Variants in ROCK2 observed in about 807,000 individuals in gnomAD.
The protein encoded by ROCK2 is Rho associated coiled-coil containing protein kinase 2.
Under a neutral mutation model 195.1 loss-of-function variants are expected in ROCK2, and 61 were observed. The ratio of observed to expected loss-of-function variants is 0.31; its 90% CI spans 0.25 to 0.39. ROCK2 has a LOEUF of 0.39. Among genes scored for constraint, ROCK2 ranks in the 10% least tolerant of loss-of-function variants. ROCK2 has a pLI of 1.00. For missense variants in ROCK2, 1,109 were observed against 1,637.4 expected (o/e 0.68, Z 5.57); for synonymous variants, 504 against 545.5 (o/e 0.92, Z 1.06).
Position 11,194,324 on chromosome 2 carries a change from C to T in ROCK2, c.3540G>A (p.Lys1180=), listed in dbSNP as rs368885239. The T allele has an allele frequency of 5.5e-6, 8 of 1,448,384 alleles. No homozygotes were observed. The African/African-American group carries it at 1.1e-4, about 20-fold the overall frequency. 89.7% of individuals were successfully genotyped at this position (1,448,384 alleles called of 1,614,324 possible). Reference sequence around the variant, plus strand: ...GTTCACTGTCATAGAAAAGAATCTTCTTACTGCTTACAATCACATACTGTT... The same window carrying T: ...GTTCACTGTCATAGAAAAGAATCTTTTTACTGCTTACAATCACATACTGTT... ...WVKKYVIVSS[K]KILFYDSEQD... is the part of the protein sequence containing the mutation. Residue 1180 remains lysine, a synonymous_variant, in exon 29 of 33, where the codon AAG becomes AAA. Transcript: ENST00000315872.
intron 1 of ROCK2, among the ~76,000 whole-genome samples, chr2:11,316,998 G>A (rs1279150513): frequency 3.3e-5 from 5 of 152,090 alleles, no homozygotes; most frequent in Non-Finnish European, 4.4e-5. Context: ...GCACAGTTAA[G>A]AAGCTTAATA....
In ROCK2 at chr2:11,183,394, G is replaced by T; in HGVS notation, c.*43C>A. The T allele has an allele frequency of 6.4e-7, 1 of 1,559,482 alleles. No homozygotes were observed. The highest frequency in any genetic ancestry group is 8.7e-7 in the Non-Finnish European group (1 of 1,148,378). On this transcript the variant is annotated 3_prime_UTR_variant, in exon 33 of 33. Coordinates refer to ENST00000315872, the MANE Select transcript of ROCK2 (RefSeq NM_004850.5). ...TATTTCAGTCTTGTTTTCACTGGAA[G>T]AATACGATCACCTTGAATAATGACT...
In ROCK2 at chr2:11,302,660, C is replaced by G. The variant is rs149052911; in HGVS notation, c.142-14924G>C. On this transcript the variant is annotated intron_variant, in intron 1 of 32. Coordinates refer to ENST00000315872, the MANE Select transcript of ROCK2 (RefSeq NM_004850.5). ...GCACCTGAAATGTGGTTAGCTTGAA[C>G]TGAGATGCTCTGGTAAATGTAAAAT... Among the ~76,000 whole-genome samples, 738 of 152,222 alleles carry G rather than the reference C, an allele frequency of 4.8e-3. 5 individuals are homozygous for G. Among genetic ancestry groups the G allele is most frequent in the Admixed American group, 8.0e-3 (122 of 15,296 alleles).
At chr2:11,242,904 G>C (rs1185095600) in intron 4 of ROCK2, among the ~76,000 whole-genome samples, 1 of 152,066 alleles carries the variant, frequency 6.6e-6, no homozygotes, top group Non-Finnish European at 1.5e-5. Flanking sequence ...CTGTCCTCAG[G>C]GAGCCAGCTG....
intron 1 of ROCK2, among the ~76,000 whole-genome samples, chr2:11,326,779 G>A (rs1273150007): frequency 1.3e-5 from 2 of 152,160 alleles, no homozygotes; most frequent in Non-Finnish European, 2.9e-5. Flanking sequence ...GAGGCAGCAT[G>A]AGGAAACATC....
At position 11,214,828 on chromosome 2, in the gene ROCK2, C is replaced by T. The variant is rs370199898; in HGVS notation, c.1936+12G>A. ...ATCAAAATTAATTCAAGTGCAACCACGACTTCAATACCTTGTAAATCATTA... is the reference window on the plus strand; with the variant it reads ...ATCAAAATTAATTCAAGTGCAACCATGACTTCAATACCTTGTAAATCATTA... On this transcript the variant is annotated intron_variant, in intron 16 of 32. Transcript: ENST00000315872. 5.0e-4 allele frequency: 799 copies of T among 1,585,338 alleles called. 10 individuals are homozygous for T. Among genetic ancestry groups the T allele is most frequent in the South Asian group, 4.9e-3 (433 of 87,754 alleles).
intron 4 of ROCK2, among the ~76,000 whole-genome samples, chr2:11,247,265 A>G (rs1258388196): frequency 6.6e-6 from 1 of 152,184 alleles, no homozygotes; most frequent in Non-Finnish European, 1.5e-5. Context: ...GGTGAGAAAA[A>G]TGTCCTAAAA....
chr2:11,287,009 G>A (rs1667217333), intron 2 of ROCK2, among the ~76,000 whole-genome samples: 1 of 152,160 alleles, frequency 6.6e-6, no homozygotes. Context: ...GCTAATCTTA[G>A]TAATGAATTT....
chr2:11,193,227 T>A (rs1382354053), intron 30 of ROCK2, among the ~76,000 whole-genome samples: 1 of 152,068 alleles, frequency 6.6e-6, no homozygotes, highest in Non-Finnish European at 1.5e-5. Flanking sequence ...CAAATAAACA[T>A]GACAAGCATC....
Position 11,208,323 on chromosome 2 carries a change from A to C in ROCK2, c.2328T>G (p.Asn776Lys). The C allele has an allele frequency of 6.7e-7, 1 of 1,493,514 alleles. No homozygotes were observed. Among genetic ancestry groups the C allele is most frequent in the Non-Finnish European group, 9.0e-7 (1 of 1,108,860 alleles). 92.5% of individuals were successfully genotyped at this position (1,493,514 alleles called of 1,614,324 possible). A position where few individuals can be genotyped will look rare whatever the true frequency, so the allele number is the denominator to read the frequency against. ...GCACATCTTTCTGTTTAAGGAGCTC[A>C]TTTATTTTCTGCTGTGACTGTTTGA... The part of the protein sequence containing the change: ...CDLKQSQQKI[N>K]ELLKQKDVLN... Residue 776 changes from asparagine to lysine, a missense_variant, in exon 19 of 33, where the codon AAT (asparagine) becomes AAG (lysine). Asn to Lys is a moderately conservative substitution (Grantham distance 94, BLOSUM62 0). This residue lies in a region of ROCK2 where 542 missense variants were observed against 672.0 expected (regional missense o/e 0.81). Transcript: ENST00000315872.
chr2:11,205,545 A>G (rs977658308), intron 20 of ROCK2, among the ~76,000 whole-genome samples: 2 of 150,810 alleles, frequency 1.3e-5, no homozygotes, highest in African/African-American at 4.9e-5. Context: ...CATGTTGGCC[A>G]TTTTAAAAAG....
intron 3 of ROCK2, among the ~76,000 whole-genome samples, chr2:11,274,084 AAACTT>A (rs559161624): frequency 4.9e-4 from 74 of 152,238 alleles, no homozygotes; most frequent in African/African-American, 1.7e-3. Context: ...ACACAACAAA[AAACTT>A]AACGGAATAC....
At chr2:11,305,152 G>C (rs1014610857) in intron 1 of ROCK2, among the ~76,000 whole-genome samples, 19 of 152,266 alleles carry the variant, frequency 1.2e-4, no homozygotes, top group Admixed American at 2.6e-4. Flanking sequence ...GAGGAGGGTG[G>C]AACAACTGAG....
rs1169483677 is a variant in ROCK2 at position 11,181,341 on chromosome 2, ATTT to A, written c.*2093_*2095del. 6.6e-6 allele frequency: 1 copy of A among 151,250 alleles called. No individual in the cohort carries two copies. Among genetic ancestry groups the A allele is most frequent in the Non-Finnish European group, 1.5e-5 (1 of 67,840 alleles). The allele number at this position is 151,250 out of a possible 1,614,324, so 9.4% of individuals were successfully genotyped here. ...TTCTATATAAATTTATATATTTTTC[ATTT>A]TTTAATCTTACTTAAAAAAGAGCTA... is the stretch of plus-strand genomic sequence containing the variant. On this transcript the variant is annotated 3_prime_UTR_variant, in exon 33 of 33. Transcript: ENST00000315872.
At position 11,198,672 on chromosome 2, in the gene ROCK2, A is replaced by T. The variant is rs752764650; in HGVS notation, c.3004+9T>A. On this transcript the variant is annotated intron_variant, in intron 24 of 32. Coordinates refer to ENST00000315872, the MANE Select transcript of ROCK2 (RefSeq NM_004850.5). ...ATATTAAAAATAAACATTTTTTGTT[A>T]ATACATACGCTCTTGAACATCTTTC... 2.3e-5 allele frequency: 36 copies of T among 1,585,892 alleles called. No homozygotes were observed. The highest frequency in any genetic ancestry group is 2.6e-6 in the Non-Finnish European group (3 of 1,161,096).
chr2:11,311,693 A>T (rs1213850428), intron 1 of ROCK2, among the ~76,000 whole-genome samples: 1 of 152,194 alleles, frequency 6.6e-6, no homozygotes, highest in Non-Finnish European at 1.5e-5. Flanking sequence ...AATGCCCAGC[A>T]GTCAAACATT....
intron 1 of ROCK2, among the ~76,000 whole-genome samples, chr2:11,310,652 C>T (rs887031301): frequency 1.3e-5 from 2 of 152,016 alleles, no homozygotes; most frequent in African/African-American, 4.8e-5. Context: ...TTACTTACTA[C>T]AAATCCACGC....
chr2:11,340,870 T>A (rs1011518373), intron 1 of ROCK2, among the ~76,000 whole-genome samples: 3 of 152,180 alleles, frequency 2.0e-5, no homozygotes, highest in Non-Finnish European at 4.4e-5. Context: ...TCCTACAGGT[T>A]ATTGTGACTG....
At chr2:11,196,290 A>G (rs1663633469) in intron 27 of ROCK2, among the ~76,000 whole-genome samples, 1 of 152,202 alleles carries the variant, frequency 6.6e-6, no homozygotes, top group African/African-American at 2.4e-5. Flanking sequence ...TATGCCTAGG[A>G]TAATGTCAGT....
Sources: allele counts gnomAD v4.1 joint callset (sites outside exome capture counted in the v4.1 genomes callset), GRCh38; gene constraint gnomAD v4.1.1; regional missense constraint gnomAD v4.1.1; transcripts MANE v1.5; gene names NCBI Gene and HGNC (gene_info 2026-07-23, HGNC 2026-07-21).